Variants in AMOTL1 observed in about 807,000 individuals in gnomAD.
AMOTL1 encodes the protein angiomotin like 1.
AMOTL1 carries 45 observed loss-of-function variants against 102.9 expected under a neutral mutation model. The ratio of observed to expected loss-of-function variants is 0.44; its 90% CI spans 0.34 to 0.56. AMOTL1 has a LOEUF of 0.56. AMOTL1 is among the 20% of genes least tolerant of loss of function. AMOTL1 has a pLI of 0.01. For synonymous variants in AMOTL1, 481 were observed against 484.7 expected (o/e 0.99, Z 0.10); for missense variants, 1,114 against 1,225.6 (o/e 0.91, Z 1.36).
intron 2 of AMOTL1, chr11:94,796,981 C>A: frequency 5.1e-6 from 5 of 985,176 alleles, no homozygotes; most frequent in Non-Finnish European, 6.0e-6. Flanking sequence ...GAAAAACGAG[C>A]GTGGCAGTTG....
chr11:94,726,566 T>TAGCTGCTTCAGC (rs11267649), intron 1 of AMOTL1, among the ~76,000 whole-genome samples: 117,291 of 151,824 alleles, frequency 0.77, 48,462 homozygotes, highest in Non-Finnish European at 0.92. Flanking sequence ...GTGCTGTCAT[T>TAGCTGCTTCAGC]AGAAAGTATT....
rs562440891 is a variant in AMOTL1, at chr11:94,814,419, A to G, written c.1122-7111A>G. ...ACATTACGATGGACAATGTGCAGGCAGGAGAGAAACTTCTATTCCTTGGCT... is the reference window on the plus strand; with the variant it reads ...ACATTACGATGGACAATGTGCAGGCGGGAGAGAAACTTCTATTCCTTGGCT... On this transcript the variant is annotated intron_variant, in intron 3 of 12. Transcript: ENST00000433060. Among the ~76,000 whole-genome samples, 279 of 152,342 alleles carry G rather than the reference A, an allele frequency of 1.8e-3. 2 individuals carry two copies. Among genetic ancestry groups the G allele is most frequent in the African/African-American group, 6.3e-3 (262 of 41,594 alleles).
chr11:94,719,166 C>T (rs1394821541), intron 1 of AMOTL1, among the ~76,000 whole-genome samples: 1 of 152,002 alleles, frequency 6.6e-6, no homozygotes, highest in African/African-American at 2.4e-5. Flanking sequence ...TTTTCATATA[C>T]TACATCAATT....
intron 3 of AMOTL1, among the ~76,000 whole-genome samples, chr11:94,743,131 C>G (rs1950548174): frequency 6.6e-6 from 1 of 152,156 alleles, no homozygotes; most frequent in African/African-American, 2.4e-5. Context: ...AGTTTGAGAT[C>G]AAGGTTCTAG....
At chr11:94,800,630 G>A (rs764918675) in intron 3 of AMOTL1, among the ~76,000 whole-genome samples, 7 of 152,124 alleles carry the variant, frequency 4.6e-5, no homozygotes, top group South Asian at 2.1e-4. Flanking sequence ...TGTGGAGACC[G>A]TCCAAACTCC....
At chr11:94,739,273 G>A (rs1462129823) in intron 2 of AMOTL1, among the ~76,000 whole-genome samples, 2 of 152,198 alleles carry the variant, frequency 1.3e-5, no homozygotes, top group Non-Finnish European at 2.9e-5. Flanking sequence ...TAGGAGTTGG[G>A]AGGGGATGGA....
At chr11:94,711,647 A>G (rs1950023346) in intron 1 of AMOTL1, among the ~76,000 whole-genome samples, 1 of 152,082 alleles carries the variant, frequency 6.6e-6, no homozygotes. Context: ...TTGTCCATTT[A>G]TATAATTTTA....
At position 94,872,020 on chromosome 11, in the gene AMOTL1, C is replaced by T. The variant is rs1287016269; in HGVS notation, c.*1225C>T. On this transcript the variant is annotated 3_prime_UTR_variant, in exon 13 of 13. Transcript: ENST00000433060. Reference sequence around the variant, plus strand: ...TGCTCTCGATCAGCATCCAGACCTCCGTGGCACCAGGTTGCCTCTGTTGTG... The same window carrying T: ...TGCTCTCGATCAGCATCCAGACCTCTGTGGCACCAGGTTGCCTCTGTTGTG... 2.0e-5 allele frequency: 3 copies of T among 152,264 alleles called. No individual in the cohort carries two copies. Among genetic ancestry groups the T allele is most frequent in the Admixed American group, 2.0e-4 (3 of 15,294 alleles). 9.4% of individuals were successfully genotyped at this position (152,264 alleles called of 1,614,324 possible).
chr11:94,787,868 C>T (rs190967826), intron 1 of AMOTL1, among the ~76,000 whole-genome samples: 24 of 152,122 alleles, frequency 1.6e-4, no homozygotes, highest in African/African-American at 4.3e-4. Flanking sequence ...GGAAATATAT[C>T]GGGCAGCTCA....
intron 4 of AMOTL1, among the ~76,000 whole-genome samples, chr11:94,825,650 G>A (rs962001971): frequency 6.6e-6 from 1 of 152,192 alleles, no homozygotes; most frequent in African/African-American, 2.4e-5. Flanking sequence ...CAGAGTCTGA[G>A]CTGGTCTGGA....
chr11:94,740,877 TG>T (rs869141861), intron 2 of AMOTL1: 2 of 1,106,382 alleles, frequency 1.8e-6, no homozygotes, highest in Non-Finnish European at 1.1e-6. Flanking sequence ...AGCTGGTGCT[TG>T]TGCGGGTTCG....
chr11:94,815,934 T>G (rs1400597280), intron 3 of AMOTL1, among the ~76,000 whole-genome samples: 3 of 152,026 alleles, frequency 2.0e-5, no homozygotes, highest in East Asian at 3.8e-4. Context: ...AAAGTAAAGT[T>G]TTATGGGGGA....
At chr11:94,716,191 A>G (rs1160401528) in intron 1 of AMOTL1, among the ~76,000 whole-genome samples, 1 of 151,806 alleles carries the variant, frequency 6.6e-6, no homozygotes, top group African/African-American at 2.4e-5. Context: ...TATTTTCTGC[A>G]TTTGTTTCTT....
chr11:94,746,661 A>T (rs1431296595), intron 3 of AMOTL1, among the ~76,000 whole-genome samples: 1 of 152,168 alleles, frequency 6.6e-6, no homozygotes, highest in African/African-American at 2.4e-5. Flanking sequence ...GCTGCACATT[A>T]GAATCAGGAG....
At chr11:94,798,361 G>A (rs569120395) in intron 2 of AMOTL1, among the ~76,000 whole-genome samples, 1 of 152,262 alleles carries the variant, frequency 6.6e-6, no homozygotes, top group South Asian at 2.1e-4. Context: ...TAAGAAAGAG[G>A]GTTGGCAGAG....
intron 3 of AMOTL1, among the ~76,000 whole-genome samples, chr11:94,815,156 T>C (rs1374243347): frequency 6.6e-6 from 1 of 152,222 alleles, no homozygotes; most frequent in Non-Finnish European, 1.5e-5. Flanking sequence ...CAACATAAAT[T>C]ATCGTTTAGA....
chr11:94,857,591 G>A (rs958085874), intron 8 of AMOTL1, among the ~76,000 whole-genome samples: 7 of 152,152 alleles, frequency 4.6e-5, no homozygotes, highest in African/African-American at 1.7e-4. Flanking sequence ...AGGGGAATTT[G>A]CATTTTTAAG....
chr11:94,725,942 G>T (rs972073127), intron 1 of AMOTL1, among the ~76,000 whole-genome samples: 4 of 152,176 alleles, frequency 2.6e-5, no homozygotes, highest in African/African-American at 9.7e-5. Context: ...AAATTGTGGA[G>T]AATGGGTTGG....
At chr11:94,807,092 C>T (rs145610919) in intron 3 of AMOTL1, among the ~76,000 whole-genome samples, 756 of 152,072 alleles carry the variant, frequency 5.0e-3, no homozygotes, top group Middle Eastern at 0.01. Flanking sequence ...TTTCTTCGTT[C>T]GATAAATAAA....
Sources: allele counts gnomAD v4.1 joint callset (sites outside exome capture counted in the v4.1 genomes callset), GRCh38; gene constraint gnomAD v4.1.1; transcripts MANE v1.5; gene names NCBI Gene and HGNC (gene_info 2026-07-23, HGNC 2026-07-21).